Variants in LDLRAP1 observed in about 807,000 individuals in gnomAD.
LDLRAP1 encodes low density lipoprotein receptor adaptor protein 1, also known as low density lipoprotein receptor adapter protein 1.
In LDLRAP1, 30 loss-of-function variants were observed where a neutral mutation model predicts 37.8. The ratio of observed to expected loss-of-function variants is 0.79; its 90% CI spans 0.59 to 1.08. LDLRAP1 has a LOEUF of 1.08. LDLRAP1 is among the 50% of genes least tolerant of loss of function. LDLRAP1 has a pLI of 0.00. For missense variants in LDLRAP1, 375 were observed against 401.6 expected (o/e 0.93, Z 0.57); for synonymous variants, 156 against 169.8 (o/e 0.92, Z 0.63).
At chr1:25,577,306 G>C in the LDLRAP1 span, among the ~76,000 whole-genome samples, 3 of 152,164 alleles carry the variant, frequency 2.0e-5, no homozygotes, top group Admixed American at 6.5e-5. Flanking sequence ...AGGTGGAGTG[G>C]GGGAGGGGCT....
In LDLRAP1 at chr1:25,554,898, G is replaced by C; in HGVS notation, c.270G>C (p.Leu90=). The C allele has an allele frequency of 6.2e-7, 1 of 1,614,218 alleles. No individual in the cohort carries two copies. The highest frequency in any genetic ancestry group is 8.5e-7 in the Non-Finnish European group (1 of 1,180,016). ...GGAAGAAGCTGCAGAAGGTGACTCT[G>C]AAGGTGTCGCCACGGGGAATTATCC... ...ASGKKLQKVT[L]KVSPRGIILT... is the part of the protein sequence containing the mutation. The change falls in exon 3 of 9, where the codon CTG becomes CTC. Residue 90 remains leucine, a synonymous_variant. Coordinates refer to ENST00000374338, the MANE Select transcript of LDLRAP1 (RefSeq NM_015627.3). This position sits in a 1 kb window ranked among gnomAD's most constrained non-coding sequence, Gnocchi z 5.4.
rs1423141156 is a variant in LDLRAP1 at position 25,565,180 on chromosome 1, A to G, written c.755A>G (p.Asp252Gly). ...TGCTTTGTTTTCCCCAAGGAGCTGG[A>G]TGATGGCCTGGATGAAGCGTTTTCG... ...LSGSSVVWEL[D>G]DGLDEAFSRL... is the part of the protein sequence containing the mutation. Residue 252 changes from aspartate (D) to glycine (G), a missense_variant, in exon 8 of 9, where the codon GAT (aspartate) becomes GGT (glycine). Coordinates refer to ENST00000374338, the MANE Select transcript of LDLRAP1 (RefSeq NM_015627.3). 1.2e-5 allele frequency: 20 copies of G among 1,614,054 alleles called. No individual in the cohort carries two copies. Among genetic ancestry groups the G allele is most frequent in the South Asian group, 2.2e-5 (2 of 91,094 alleles).
rs2044181369 is a variant in LDLRAP1 at position 25,555,702 on chromosome 1, G to A, written c.344+730G>A. On this transcript the variant is annotated intron_variant, in intron 3 of 8. Transcript: ENST00000374338. The surrounding 1 kb of genome is among the most constrained non-coding windows in gnomAD (Gnocchi z 4.7). ...AGATGGCTCAGCCCGTTGGTGCACA[G>A]GCCAGTAGTAGGGTCAGTAGATGTG... Among the ~76,000 whole-genome samples the A allele has an allele frequency of 6.6e-6, 1 of 152,212 alleles. No individual in the cohort carries two copies. Among genetic ancestry groups the A allele is most frequent in the Admixed American group, 6.5e-5 (1 of 15,282 alleles).
chr1:25,570,158 T>C (rs2044584106), downstream of LDLRAP1, among the ~76,000 whole-genome samples: 1 of 152,220 alleles, frequency 6.6e-6, no homozygotes, highest in African/African-American at 2.4e-5. Flanking sequence ...CTGTGAATTC[T>C]CAGTGGTTCA....
intron 1 of LDLRAP1, among the ~76,000 whole-genome samples, chr1:25,548,895 A>G (rs1030893917): frequency 1.3e-4 from 20 of 152,086 alleles, no homozygotes; most frequent in South Asian, 2.1e-4. Flanking sequence ...GCCTCAAGCA[A>G]TCCTTCCTTC....
chr1:25,558,305 T>G (rs759364639), intron 4 of LDLRAP1, among the ~76,000 whole-genome samples: 10 of 152,016 alleles, frequency 6.6e-5, no homozygotes, highest in African/African-American at 9.7e-5. Context: ...TCCCCTTCCC[T>G]CCCCTGTCAT....
chr1:25,585,988 A>C, the LDLRAP1 span, among the ~76,000 whole-genome samples: 4 of 152,046 alleles, frequency 2.6e-5, no homozygotes, highest in African/African-American at 9.7e-5. Context: ...CCTCCTTGAG[A>C]GTGTCGTTTT....
chr1:25,572,537 T>C (rs2044619230), downstream of LDLRAP1, among the ~76,000 whole-genome samples: 1 of 152,176 alleles, frequency 6.6e-6, no homozygotes, highest in African/African-American at 2.4e-5. Flanking sequence ...ATGTTAATGC[T>C]GGGAGAGCCC....
At chr1:25,558,225 G>A (rs2044257481) in intron 4 of LDLRAP1, among the ~76,000 whole-genome samples, 1 of 152,148 alleles carries the variant, frequency 6.6e-6, no homozygotes, top group South Asian at 2.1e-4. Context: ...ATTGACACCT[G>A]TTAACCTCTG....
the LDLRAP1 span, among the ~76,000 whole-genome samples, chr1:25,581,987 C>T: frequency 6.6e-6 from 1 of 152,198 alleles, no homozygotes; most frequent in Non-Finnish European, 1.5e-5. Flanking sequence ...CAGATGTGCA[C>T]AGCTGGGGGA....
Position 25,555,313 on chromosome 1 carries a change from G to A in LDLRAP1, c.344+341G>A, listed in dbSNP as rs2044173548. 6.6e-6 allele frequency among the ~76,000 whole-genome samples: 1 copy of A among 152,204 alleles called. No individual in the cohort carries two copies. The highest frequency in any genetic ancestry group is 2.1e-4 in the South Asian group (1 of 4,832). ...TGGAGCAGAGAACTGCAGAGTCACT[G>A]CCTTTTCCTTCTGCTGTGAATGCAG... is the stretch of plus-strand genomic sequence containing the variant. On this transcript the variant is annotated intron_variant, in intron 3 of 8. Coordinates refer to ENST00000374338, the MANE Select transcript of LDLRAP1 (RefSeq NM_015627.3). The surrounding 1 kb of genome is among the most constrained non-coding windows in gnomAD (Gnocchi z 4.7).
At chr1:25,551,780 A>G (rs2044076817) in intron 1 of LDLRAP1, among the ~76,000 whole-genome samples, 1 of 152,158 alleles carries the variant, frequency 6.6e-6, no homozygotes, top group South Asian at 2.1e-4. Flanking sequence ...GTGGAGGCCC[A>G]GGGATGAGAT....
chr1:25,561,964 T>G (rs1572049871), intron 4 of LDLRAP1, among the ~76,000 whole-genome samples: 1 of 151,210 alleles, frequency 6.6e-6, no homozygotes, highest in East Asian at 1.9e-4. Context: ...GACATCTGAG[T>G]TGGGTTTGGA....
chr1:25,582,259 C>T, the LDLRAP1 span, among the ~76,000 whole-genome samples: 1 of 152,214 alleles, frequency 6.6e-6, no homozygotes, highest in Non-Finnish European at 1.5e-5. Flanking sequence ...TAAGATACTT[C>T]CCCCGCTCTA....
chr1:25,559,402 T>C (rs944772684), intron 4 of LDLRAP1, among the ~76,000 whole-genome samples: 1 of 152,004 alleles, frequency 6.6e-6, no homozygotes, highest in Non-Finnish European at 1.5e-5. Context: ...CACACAGACT[T>C]GAGTGAAATC....
intron 1 of LDLRAP1, among the ~76,000 whole-genome samples, chr1:25,552,290 C>G (rs2044090032): frequency 6.6e-6 from 1 of 152,226 alleles, no homozygotes; most frequent in South Asian, 2.1e-4. Flanking sequence ...AGAGCCTCAG[C>G]TGCCCTGGAA....
In LDLRAP1 at chr1:25,567,685, C is replaced by T. The variant is rs2044520246; in HGVS notation, c.*693C>T. 6.5e-6 allele frequency: 1 copy of T among 154,786 alleles called. No homozygotes were observed. The highest frequency in any genetic ancestry group is 2.4e-5 in the African/African-American group (1 of 41,592). The allele number at this position is 154,786 out of a possible 1,614,324, so 9.6% of individuals were successfully genotyped here. A position where few individuals can be genotyped will look rare whatever the true frequency, so the allele number is the denominator to read the frequency against. The stretch of plus-strand genomic sequence containing the variant: ...GTCCAGCTTTCCTTCTGCCCTTCCT[C>T]CAGGAGAAGGGGCCCAAGGTCCCCG... On this transcript the variant is annotated 3_prime_UTR_variant, in exon 9 of 9. Transcript: ENST00000374338.
rs896475571 is a variant in LDLRAP1, at chr1:25,568,650, C to T, written c.*1658C>T. 2.6e-5 allele frequency: 4 copies of T among 152,268 alleles called. No individual in the cohort carries two copies. The highest frequency in any genetic ancestry group is 9.6e-5 in the African/African-American group (4 of 41,458). 9.4% of individuals were successfully genotyped at this position (152,268 alleles called of 1,614,324 possible). On this transcript the variant is annotated 3_prime_UTR_variant, in exon 9 of 9. Coordinates refer to ENST00000374338, the MANE Select transcript of LDLRAP1 (RefSeq NM_015627.3). ...GTAGCCACCTCCTTGGCACCGGCCT[C>T]TATTTGTCATAAGGCGGCGTGGGCG...
intron 1 of LDLRAP1, among the ~76,000 whole-genome samples, chr1:25,549,311 A>T (rs2044013360): frequency 6.6e-6 from 1 of 152,138 alleles, no homozygotes; most frequent in African/African-American, 2.4e-5. Flanking sequence ...TCTCCCCACC[A>T]GGCTGGGGGA....
Sources: gnomAD v4.1 joint callset for allele counts (sites outside exome capture counted in the v4.1 genomes callset) on GRCh38, gnomAD v4.1.1 for gene constraint, Gnocchi (gnomAD v3.1) non-coding constraint, MANE v1.5 for transcripts, NCBI Gene and HGNC (gene_info 2026-07-23, HGNC 2026-07-21) for gene names.